The following LCP2 variants were observed in gnomAD, a reference collection of about 807,000 sequenced individuals.
LCP2 encodes lymphocyte cytosolic protein 2, also known as 76 kDa tyrosine phosphoprotein.
LCP2 carries 29 observed loss-of-function variants against 74.5 expected under a neutral mutation model. The ratio of observed to expected loss-of-function variants is 0.39; its 90% confidence interval spans 0.29 to 0.53. LCP2 has a LOEUF of 0.53. LCP2 is among the 20% of genes least tolerant of loss of function. LCP2 has a pLI of 0.72. For synonymous variants in LCP2, 228 were observed against 229.5 expected (o/e 0.99, Z 0.06); for missense variants, 604 against 634.6 (o/e 0.95, Z 0.52).
intron 2 of LCP2, 35 bp from the exon 3 acceptor site, chr5:170,288,051 A>C (rs202190133): frequency 2.5e-4 from 406 of 1,605,200 alleles, no homozygotes; most frequent in Admixed American, 3.2e-4. Flanking sequence ...GCAGGTTACA[A>C]CCCACAGAAA....
chr5:170,286,455 A>G (rs1252924501), intron 3 of LCP2, among the ~76,000 whole-genome samples: 4 of 152,228 alleles, frequency 2.6e-5, no homozygotes, highest in Non-Finnish European at 4.4e-5. Flanking sequence ...GCAAAGAACT[A>G]TGGTTTATCT....
chr5:170,259,393 A>G (rs978707693), intron 14 of LCP2, among the ~76,000 whole-genome samples: 25 of 152,216 alleles, frequency 1.6e-4, no homozygotes, highest in Admixed American at 2.0e-4. Flanking sequence ...CTTAAGATCA[A>G]TAAGACCATA....
At chr5:170,289,373 G>A (rs1240833817) in intron 2 of LCP2, among the ~76,000 whole-genome samples, 1 of 152,120 alleles carries the variant, frequency 6.6e-6, no homozygotes, top group Non-Finnish European at 1.5e-5. Flanking sequence ...TCTGACCACT[G>A]GAAAGATCTG....
chr5:170,276,545 C>A (rs986135564), intron 3 of LCP2, among the ~76,000 whole-genome samples: 2 of 152,062 alleles, frequency 1.3e-5, no homozygotes, highest in Admixed American at 6.5e-5. Flanking sequence ...CTTGAAGATA[C>A]TCTTAGTCCC....
intron 1 of LCP2, among the ~76,000 whole-genome samples, chr5:170,297,151 T>C (rs752606447): frequency 3.3e-5 from 5 of 152,196 alleles, no homozygotes; most frequent in Non-Finnish European, 5.9e-5. Flanking sequence ...GTCTTGCCTC[T>C]ATCACATGTA....
In LCP2 at chr5:170,256,198, T is replaced by C. The variant is rs1279376063; in HGVS notation, c.1150+328A>G. On this transcript the variant is annotated intron_variant, in intron 17 of 20. Coordinates refer to ENST00000046794, the MANE Select transcript of LCP2 (RefSeq NM_005565.5). The surrounding 1 kb of genome is among the most constrained non-coding windows in gnomAD (Gnocchi z 4.5). The stretch of plus-strand genomic sequence containing the variant: ...GTGTATGCATGTGCATGTGTGTGCA[T>C]GTATTGTGTATGTGTATATATGTGT... Among the ~76,000 whole-genome samples the C allele has an allele frequency of 2.0e-5, 3 of 152,102 alleles. No homozygotes were observed. Among genetic ancestry groups the C allele is most frequent in the Admixed American group, 2.0e-4 (3 of 15,268 alleles).
chr5:170,291,592 A>G (rs1762297370), intron 2 of LCP2, among the ~76,000 whole-genome samples: 1 of 152,056 alleles, frequency 6.6e-6, no homozygotes, highest in Non-Finnish European at 1.5e-5. Context: ...CTCTCAAACA[A>G]CCCTGTTCTA....
At position 170,256,961 on chromosome 5, in the gene LCP2, A is replaced by G. The variant is rs1323737911; in HGVS notation, c.1101-386T>C. Among the ~76,000 whole-genome samples, 2 of 152,228 alleles carry G rather than the reference A, an allele frequency of 1.3e-5. No homozygotes were observed. The highest frequency in any genetic ancestry group is 2.9e-5 in the Non-Finnish European group (2 of 68,038). On this transcript the variant is annotated intron_variant, in intron 16 of 20. Transcript: ENST00000046794. The surrounding 1 kb of genome is among the most constrained non-coding windows in gnomAD (Gnocchi z 4.5). Reference sequence around the variant, plus strand: ...ATTAATGGGCTTGTCTTTGGTGAGCAGTGAATCCCCAGGGCTTAGGGTCTG... The same window carrying G: ...ATTAATGGGCTTGTCTTTGGTGAGCGGTGAATCCCCAGGGCTTAGGGTCTG...
intron 1 of LCP2, among the ~76,000 whole-genome samples, chr5:170,296,547 A>G (rs758917409): frequency 1.3e-5 from 2 of 152,224 alleles, no homozygotes; most frequent in Non-Finnish European, 2.9e-5. Context: ...TCTCATCTTT[A>G]TGACAGTCTG....
In LCP2 at chr5:170,275,887, G is replaced by A. The variant is rs765677989; in HGVS notation, c.189-27C>T. 16 of 1,538,826 alleles carry A rather than the reference G, an allele frequency of 1.0e-5. No homozygotes were observed. In the Admixed American group the frequency reaches 3.1e-4, roughly 30 times the overall value. On this transcript the variant is annotated intron_variant, in intron 3 of 20. Coordinates refer to ENST00000046794, the MANE Select transcript of LCP2 (RefSeq NM_005565.5). ...TGCAAGATAAAGAGACAGATGAAGA[G>A]ATAAAACCATCACTCAGTCTCAACC... is the stretch of plus-strand genomic sequence containing the variant.
chr5:170,279,004 C>T (rs1038397785), intron 3 of LCP2, among the ~76,000 whole-genome samples: 1 of 152,124 alleles, frequency 6.6e-6, no homozygotes, highest in Non-Finnish European at 1.5e-5. Context: ...ATGGCTATTG[C>T]TAGGTGCAAA....
chr5:170,274,955 C>A (rs189670802), intron 5 of LCP2, among the ~76,000 whole-genome samples: 3 of 144,936 alleles, frequency 2.1e-5, no homozygotes, highest in African/African-American at 7.8e-5. Context: ...CCAGCCTGGG[C>A]GACAGAGCGA....
At chr5:170,257,593 G>A (rs894423358) in intron 16 of LCP2, among the ~76,000 whole-genome samples, 2 of 152,102 alleles carry the variant, frequency 1.3e-5, no homozygotes, top group African/African-American at 4.8e-5. Context: ...AAACACAGCT[G>A]CTACTGAGAA....
intron 15 of LCP2, chr5:170,258,634 A>C (rs1013206859): frequency 2.2e-6 from 1 of 446,426 alleles, no homozygotes; most frequent in African/African-American, 2.0e-5. Context: ...TTGTGATACA[A>C]TTAAATAATC....
chr5:170,257,080 C>G (rs985222671), intron 16 of LCP2, among the ~76,000 whole-genome samples: 4 of 152,050 alleles, frequency 2.6e-5, no homozygotes, highest in African/African-American at 9.7e-5. Flanking sequence ...GGTGGGGAGG[C>G]GGGCCCAGAG....
chr5:170,258,830 G>A, intron 15 of LCP2, 36 bp downstream of exon 15: 1 of 1,514,024 alleles, frequency 6.6e-7, no homozygotes, highest in Non-Finnish European at 9.1e-7. Flanking sequence ...ATGAAAGAAT[G>A]AGTTATAGGC....
chr5:170,258,082 A>T lies in LCP2; in HGVS notation c.1055T>A (p.Met352Lys). The T allele has an allele frequency of 6.2e-7, 1 of 1,613,982 alleles. No individual in the cohort carries two copies. Among genetic ancestry groups the T allele is most frequent in the Non-Finnish European group, 8.5e-7 (1 of 1,179,834 alleles). Residue 352 changes from methionine (M) to lysine (K), a missense_variant, in exon 16 of 21, where the codon ATG becomes AAG. By Grantham distance (95) the Met-to-Lys change is moderately conservative. Coordinates refer to ENST00000046794, the MANE Select transcript of LCP2 (RefSeq NM_005565.5). ...FPSRSTKPSPMNPLPSSHMPG... is the reference protein window; with the variant it reads ...FPSRSTKPSPKNPLPSSHMPG... ...CATGTGAGAGGATGGGAGAGGGTTC[A>T]TGGGACTTGGCTTAGTAGATCTTGA...
In LCP2 at chr5:170,248,957, A is replaced by G. The variant is rs192267923; in HGVS notation, c.1480-138T>C. The G allele has an allele frequency of 2.4e-4, 191 of 790,510 alleles. 1 individual carries two copies. The East Asian group carries it at 4.0e-3, about 17-fold the overall frequency. 49.0% of individuals were successfully genotyped at this position (790,510 alleles called of 1,614,324 possible). A position where few individuals can be genotyped will look rare whatever the true frequency, so the allele number is the denominator to read the frequency against. ...TGGGGGGAAAAAATGTAAATGTGGC[A>G]ATTAGTTTAATGATTTCTGCTATAG... On this transcript the variant is annotated intron_variant, in intron 20 of 20. Coordinates refer to ENST00000046794, the MANE Select transcript of LCP2 (RefSeq NM_005565.5).
At chr5:170,296,577 T>A (rs1762389374) in intron 1 of LCP2, among the ~76,000 whole-genome samples, 1 of 152,216 alleles carries the variant, frequency 6.6e-6, no homozygotes, top group Non-Finnish European at 1.5e-5. Context: ...CAGAATCCGA[T>A]GCCAGCCTGC....
Sources: gnomAD v4.1 joint callset for allele counts (sites outside exome capture counted in the v4.1 genomes callset) on GRCh38, gnomAD v4.1.1 for gene constraint, Gnocchi (gnomAD v3.1) non-coding constraint, MANE v1.5 for transcripts, NCBI Gene and HGNC (gene_info 2026-07-23, HGNC 2026-07-21) for gene names.